TTN: variants seen among roughly 807,000 people sequenced by gnomAD.
The protein encoded by TTN is connectin.
In TTN, 1,525 loss-of-function variants were observed where a neutral mutation model predicts 3,223.0. The observed-to-expected ratio is 0.47, with a 90% CI of 0.45 to 0.49. TTN has a LOEUF of 0.49. TTN is among the 20% of genes least tolerant of loss of function. The probability of loss-of-function intolerance (pLI) is 0.00; values close to 1 mark genes in which losing one functional copy is unlikely to be tolerated. For synonymous variants in TTN, 14,094 were observed against 15,161.0 expected, an observed-to-expected ratio of 0.93 and a Z score of 5.17; for missense variants, 40,786 against 43,424.0, an observed-to-expected ratio of 0.94 and a Z score of 5.40.
chr2:178,616,366 G>C, intron 257 of TTN, 113 bp downstream of exon 257: 1 of 1,418,662 alleles, frequency 7.0e-7, no homozygotes, highest in Non-Finnish European at 9.6e-7. Context: ...TACATTTTCA[G>C]TGAGGTAAAG....
In TTN at chr2:178,711,147, A is replaced by C; in HGVS notation, c.28089T>G (p.Thr9363=). The change falls in exon 97 of 363, where the codon ACT becomes ACG. Residue 9363 remains threonine (T), a synonymous_variant. Transcript: ENST00000589042. ...AATACTGGCCTGCAAGGCTCCGGTC[A>C]GTTTTAAAAATATTGAGTGTGGCTG... The part of the protein sequence containing the change: ...DNTATLNIFK[T]DRSLAGQYSC... The C allele has an allele frequency of 6.2e-7, 1 of 1,613,896 alleles. No individual in the cohort carries two copies. Among genetic ancestry groups the C allele is most frequent in the Non-Finnish European group, 8.5e-7 (1 of 1,179,798 alleles).
In TTN at chr2:178,766,401, G is replaced by A; in HGVS notation, c.9683C>T (p.Ser3228Phe). The change falls in exon 41 of 363, where the codon TCT becomes TTT. Residue 3228 changes from serine (S) to phenylalanine (F), a missense_variant. Physicochemically the swap from Ser to Phe is radical, Grantham distance 155 (BLOSUM62 -2). Coordinates refer to ENST00000589042, the MANE Select transcript of TTN (RefSeq NM_001267550.2). ...CATACCATTGACATAGAGAGTGACA[G>A]AACTCCTGTTCCTTCCTGCCACAAA... ...YTFVAGRNRS[S>F]VTLYVNAPEP... 2 of 1,613,400 alleles carry A rather than the reference G, an allele frequency of 1.2e-6. No individual in the cohort carries two copies. Among genetic ancestry groups the A allele is most frequent in the South Asian group, 1.1e-5 (1 of 91,068 alleles).
intron 17 of TTN, 69 bp from the exon 18 acceptor site, chr2:178,783,133 A>G: frequency 6.3e-7 from 1 of 1,575,944 alleles, no homozygotes; most frequent in Admixed American, 1.7e-5. Context: ...TTTTGTAACA[A>G]ATGTAGAGTT....
chr2:178,783,052 C>A lies in TTN; in HGVS notation c.2854G>T (p.Val952Leu). Reference protein sequence around the residue: ...PPTLVSGLKNVTVIEGESVTL... With the variant: ...PPTLVSGLKNLTVIEGESVTL... ...ACAGATTCACCTTCTATGACAGTCA[C>A]ATTTTTTAAGCCCTGAAGAGAGGAG... Residue 952 changes from valine (V) to leucine (L), a missense_variant, in exon 18 of 363, where the codon GTG becomes TTG. Coordinates refer to ENST00000589042, the MANE Select transcript of TTN (RefSeq NM_001267550.2). The A allele has an allele frequency of 6.2e-7, 1 of 1,614,052 alleles. No individual in the cohort carries two copies. Among genetic ancestry groups the A allele is most frequent in the Non-Finnish European group, 8.5e-7 (1 of 1,179,968 alleles).
Position 178,766,441 on chromosome 2 carries a change from C to G in TTN, c.9643G>C (p.Ala3215Pro). The G allele has an allele frequency of 6.2e-7, 1 of 1,614,176 alleles. No homozygotes were observed. Residue 3215 changes from alanine (A) to proline (P), a missense_variant, in exon 41 of 363, where the codon GCA becomes CCA. By Grantham distance (27) the Ala-to-Pro change is conservative (BLOSUM62 -1). Coordinates refer to ENST00000589042, the MANE Select transcript of TTN (RefSeq NM_001267550.2). ...CCTGCCACAAAGGTGTATTCTCCTG[C>G]ATCGCTCTGTCTGGTCTCAGAGATA... Reference protein sequence around the residue: ...MFISETRQSDAGEYTFVAGRN... With the variant: ...MFISETRQSDPGEYTFVAGRN...
At chr2:178,604,939 TAAAC>T in intron 280 of TTN, 41 bp from the exon 281 acceptor site, 1 of 1,597,828 alleles carries the variant, frequency 6.3e-7, no homozygotes, top group South Asian at 1.1e-5. Context: ...AGGCAATTCT[TAAAC>T]AGACACTGGA....
rs754293456 is a variant in TTN at position 178,590,046 on chromosome 2, C to T, written c.61679G>A (p.Gly20560Asp). ...GTCAAGGACGTTAACGATGGCTGAA[C>T]CTTGGGCATGTCCACTGCTGTTCTT... ...SAKNSSGHAQ[G>D]SAIVNVLDRP... The change falls in exon 304 of 363, where the codon GGT (glycine) becomes GAT (aspartate). Residue 20560 changes from glycine to aspartate, a missense_variant. Physicochemically the swap from Gly to Asp is moderately conservative, Grantham distance 94. Transcript: ENST00000589042. The T allele has an allele frequency of 2.5e-6, 4 of 1,613,130 alleles. No homozygotes were observed. The highest frequency in any genetic ancestry group is 3.4e-6 in the Non-Finnish European group (4 of 1,179,430).
chr2:178,728,036 G>T (rs1560754161), intron 67 of TTN, 74 bp downstream of exon 67: 1 of 1,457,336 alleles, frequency 6.9e-7, no homozygotes, highest in Admixed American at 2.7e-5. Context: ...AGCTCTAAAG[G>T]ATACAAAGGC....
At chr2:178,730,469 G>C in intron 61 of TTN, 36 bp downstream of exon 61, 2 of 1,562,958 alleles carry the variant, frequency 1.3e-6, no homozygotes, top group Non-Finnish European at 1.7e-6. Flanking sequence ...AAAATATTTT[G>C]TAAGTTCTTG....
At position 178,557,865 on chromosome 2, in the gene TTN, C is replaced by T; in HGVS notation, c.87489G>A (p.Lys29163=). ...TGGTAACTTGACTTCCACCGTCATA[C>T]TTAGGTGGCTCCCATTTGAGAGTCA... is the stretch of plus-strand genomic sequence containing the variant. The part of the protein sequence containing the change: ...ESVTLKWEPP[K]YDGGSQVTNY... The change falls in exon 328 of 363, where the codon AAG becomes AAA. Residue 29163 remains lysine (K), a synonymous_variant. Transcript: ENST00000589042. 1 of 1,613,878 alleles carries T rather than the reference C, an allele frequency of 6.2e-7. No homozygotes were observed. Among genetic ancestry groups the T allele is most frequent in the African/African-American group, 1.3e-5 (1 of 75,060 alleles).
intron 71 of TTN, chr2:178,725,012 G>C (rs561333280): frequency 2.2e-5 from 5 of 228,758 alleles, no homozygotes; most frequent in African/African-American, 1.1e-4. Flanking sequence ...ATTTTATGTG[G>C]AAGCTTTGCT....
At position 178,551,843 on chromosome 2, in the gene TTN, C is replaced by G. The variant is rs779096830; in HGVS notation, c.91057G>C (p.Gly30353Arg). ...LTWDAPVYDGGSEVTGFHVEK... is the reference protein window; with the variant it reads ...LTWDAPVYDGRSEVTGFHVEK... ...ACATGGAATCCAGTAACTTCTGAAC[C>G]ACCATCATAAACTGGAGCATCCCAA... The change falls in exon 335 of 363, where the codon GGT (glycine) becomes CGT (arginine). Residue 30353 changes from glycine (G) to arginine (R), a missense_variant. Gly to Arg is a moderately radical substitution (Grantham distance 125, BLOSUM62 -2). Coordinates refer to ENST00000589042, the MANE Select transcript of TTN (RefSeq NM_001267550.2). 1 of 1,613,844 alleles carries G rather than the reference C, an allele frequency of 6.2e-7. No homozygotes were observed. Among genetic ancestry groups the G allele is most frequent in the Non-Finnish European group, 8.5e-7 (1 of 1,179,814 alleles).
chr2:178,791,927 T>C, intron 10 of TTN, 145 bp downstream of exon 10: 1 of 817,944 alleles, frequency 1.2e-6, no homozygotes, highest in Non-Finnish European at 1.9e-6. Context: ...CATCCTGAGT[T>C]TCAATACTAG....
chr2:178,721,379 A>AT (rs551824304), intron 78 of TTN, among the ~76,000 whole-genome samples, 177 bp from the exon 79 acceptor site: 49 of 149,552 alleles, frequency 3.3e-4, no homozygotes, highest in South Asian at 6.4e-4. Flanking sequence ...ATCTCATAAC[A>AT]TTTTTTTTTT....
At chr2:178,635,366 A>G in intron 227 of TTN, 62 bp from the exon 228 acceptor site, 1 of 1,607,282 alleles carries the variant, frequency 6.2e-7, no homozygotes, top group Non-Finnish European at 8.5e-7. Context: ...CTTTGCTTTT[A>G]TGTGTTTTGG....
chr2:178,566,447 C>T lies in TTN; in HGVS notation c.79685G>A (p.Arg26562Gln), dbSNP rs538960023. ...ACCAACTTTGTTGAGGGCACAGACT[C>T]GTATTTTATACTCTTGGTGTTCAGT... ...KLTEHQEYKI[R>Q]VCALNKVGLG... The change falls in exon 326 of 363, where the codon CGA (arginine) becomes CAA (glutamine). Residue 26562 changes from arginine (R) to glutamine (Q), a missense_variant. By Grantham distance (43) the Arg-to-Gln change is conservative. Coordinates refer to ENST00000589042, the MANE Select transcript of TTN (RefSeq NM_001267550.2). The T allele has an allele frequency of 3.7e-5, 60 of 1,613,418 alleles. No individual in the cohort carries two copies. Among genetic ancestry groups the T allele is most frequent in the South Asian group, 2.6e-4 (24 of 91,072 alleles).
At position 178,712,880 on chromosome 2, in the gene TTN, T is replaced by C; in HGVS notation, c.27145A>G (p.Ser9049Gly). Reference sequence around the variant, plus strand: ...CTGCTACCTTTGAACCAGCTAACACTGAAAGGAGGTGTTCCTTTTACGATA... The same window carrying C: ...CTGCTACCTTTGAACCAGCTAACACCGAAAGGAGGTGTTCCTTTTACGATA... ...TSIVKGTPPF[S>G]VSWFKGSSEL... is the part of the protein sequence containing the mutation. The change falls in exon 94 of 363, where the codon AGT becomes GGT. Residue 9049 changes from serine (S) to glycine (G), a missense_variant. Transcript: ENST00000589042. The C allele has an allele frequency of 1.9e-6, 3 of 1,613,660 alleles. No homozygotes were observed. The highest frequency in any genetic ancestry group is 2.5e-6 in the Non-Finnish European group (3 of 1,179,716).
In TTN at chr2:178,568,081, A is replaced by G. The variant is rs758905508; in HGVS notation, c.78051T>C (p.Asn26017=). The G allele has an allele frequency of 5.0e-6, 8 of 1,613,258 alleles. No individual in the cohort carries two copies. Among genetic ancestry groups the G allele is most frequent in the Non-Finnish European group, 5.1e-6 (6 of 1,179,602 alleles). The part of the protein sequence containing the change: ...MVIQWHEPVN[N]GGSPVIGYHL... ...GGTAACCTATGACGGGGCTTCCACC[A>G]TTGTTGACTGGTTCATGCCACTGTA... Residue 26017 remains asparagine, a synonymous_variant, in exon 326 of 363, where the codon AAT becomes AAC. Transcript: ENST00000589042.
At chr2:178,676,078 C>T (rs2068025519) in intron 147 of TTN, 83 bp from the exon 148 acceptor site, 2 of 1,310,790 alleles carry the variant, frequency 1.5e-6, no homozygotes, top group African/African-American at 1.5e-5. Context: ...CCCAGAAAGA[C>T]CAATGTGTTA....
Sources: gnomAD v4.1 joint callset for allele counts (sites outside exome capture counted in the v4.1 genomes callset) on GRCh38, gnomAD v4.1.1 for gene constraint, MANE v1.5 for transcripts, NCBI Gene and HGNC (gene_info 2026-07-23, HGNC 2026-07-21) for gene names.